Variants in ADGRB3 observed in about 807,000 individuals in gnomAD.
ADGRB3 encodes adhesion G protein-coupled receptor B3.
Under a neutral mutation model 193.4 loss-of-function variants are expected in ADGRB3, and 37 were observed. The observed-to-expected ratio is 0.19, with a 90% CI of 0.15 to 0.25. The LOEUF (loss-of-function observed/expected upper bound fraction) is 0.25. Ranked by LOEUF, ADGRB3 falls within the 10% of genes least tolerant of loss-of-function variation. The pLI, the probability that ADGRB3 is intolerant of heterozygous loss-of-function variation, is 1.00. For synonymous variants in ADGRB3, 690 were observed against 644.2 expected, an observed-to-expected ratio of 1.07 and a Z score of -1.08; for missense variants, 1,637 against 1,852.9, an observed-to-expected ratio of 0.88 and a Z score of 2.14.
At chr6:69,252,458 C>G (rs1198002131) in intron 20 of ADGRB3, among the ~76,000 whole-genome samples, 2 of 152,026 alleles carry the variant, frequency 1.3e-5, no homozygotes, top group African/African-American at 4.8e-5. Flanking sequence ...GGTTAGATTA[C>G]TTTTAACTTA....
At chr6:69,222,016 A>C (rs943269887) in intron 17 of ADGRB3, among the ~76,000 whole-genome samples, 1 of 152,296 alleles carries the variant, frequency 6.6e-6, no homozygotes, top group Non-Finnish European at 1.5e-5. Flanking sequence ...GTGAAAATCA[A>C]TTCATTAAAT....
At chr6:68,902,068 C>G (rs1190013426) in intron 3 of ADGRB3, among the ~76,000 whole-genome samples, 1 of 152,024 alleles carries the variant, frequency 6.6e-6, no homozygotes, top group African/African-American at 2.4e-5. Flanking sequence ...AACCTTTTAT[C>G]ACTAGTGGCA....
chr6:69,186,205 A>T (rs977936837), intron 17 of ADGRB3, among the ~76,000 whole-genome samples: 1 of 150,576 alleles, frequency 6.6e-6, no homozygotes, highest in African/African-American at 2.4e-5. Context: ...AAAATTGTCA[A>T]TTGGCCTGCA....
intron 17 of ADGRB3, among the ~76,000 whole-genome samples, chr6:69,081,042 T>C (rs1009450276): frequency 3.3e-5 from 5 of 152,118 alleles, no homozygotes; most frequent in Admixed American, 3.3e-4. Context: ...GGTAAAAGAA[T>C]AACTAATTTT....
intron 3 of ADGRB3, among the ~76,000 whole-genome samples, chr6:68,882,536 C>A (rs929634858): frequency 5.9e-5 from 9 of 151,994 alleles, no homozygotes; most frequent in Non-Finnish European, 1.3e-4. Flanking sequence ...TATATGCTTC[C>A]TTTACATTGC....
At chr6:69,043,116 C>T (rs940484182) in intron 13 of ADGRB3, among the ~76,000 whole-genome samples, 7 of 152,138 alleles carry the variant, frequency 4.6e-5, no homozygotes, top group African/African-American at 1.7e-4. Context: ...GATTCTCTCA[C>T]TCTATTGAGG....
Position 68,897,863 on chromosome 6 carries a change from A to AG in ADGRB3, c.758-32696_758-32695insG, listed in dbSNP as rs1320086447. Among the ~76,000 whole-genome samples, 522 of 113,700 alleles carry AG rather than the reference A, an allele frequency of 4.6e-3. 2 individuals are homozygous for AG. The highest frequency in any genetic ancestry group is 0.013 in the African/African-American group (456 of 35,058). The allele number at this position is 113,700 out of a possible 152,430, so 74.6% of individuals were successfully genotyped here. A position where few individuals can be genotyped will look rare whatever the true frequency, so the allele number is the denominator to read the frequency against. On this transcript the variant is annotated intron_variant, in intron 3 of 31. Coordinates refer to ENST00000370598, the MANE Select transcript of ADGRB3 (RefSeq NM_001704.3). ...GAGAAAGAAAGAAGAAAACAAAAGA[A>AG]AAAAGAAAGAAAGAAAGAAAGAAAA...
intron 17 of ADGRB3, among the ~76,000 whole-genome samples, chr6:69,176,306 G>A (rs914061115): frequency 1.3e-5 from 2 of 152,172 alleles, no homozygotes; most frequent in South Asian, 4.1e-4. Flanking sequence ...TTTGAGGTAT[G>A]TTCCTATGAT....
intron 4 of ADGRB3, among the ~76,000 whole-genome samples, chr6:68,932,724 A>G (rs1767374961): frequency 6.6e-6 from 1 of 151,862 alleles, no homozygotes; most frequent in South Asian, 2.1e-4. Context: ...AAGCCAGAAA[A>G]AAGACTGTAA....
intron 3 of ADGRB3, among the ~76,000 whole-genome samples, chr6:68,862,776 G>A (rs1765192557): frequency 6.6e-6 from 1 of 151,850 alleles, no homozygotes; most frequent in Non-Finnish European, 1.5e-5. Flanking sequence ...ACTTCTTTTG[G>A]ATGATTGTTT....
chr6:68,862,892 T>C (rs1765195957), intron 3 of ADGRB3, among the ~76,000 whole-genome samples: 1 of 152,172 alleles, frequency 6.6e-6, no homozygotes, highest in African/African-American at 2.4e-5. Flanking sequence ...GATTTTTGTC[T>C]CTTTTCTTTC....
chr6:69,063,917 T>G (rs1771823806), intron 16 of ADGRB3, among the ~76,000 whole-genome samples: 1 of 152,034 alleles, frequency 6.6e-6, no homozygotes, highest in South Asian at 2.1e-4. Flanking sequence ...TAAGTCAGTT[T>G]CATGATTTAC....
rs550792329 is a variant in ADGRB3, at chr6:68,779,345, C to G, written c.757+139913C>G. On this transcript the variant is annotated intron_variant, in intron 3 of 31. Transcript: ENST00000370598. Reference sequence around the variant, plus strand: ...GATGTAGCAGAGTTATCTTTCCCCCCTCATTCTCCCCACAAACATGCCCCT... The same window carrying G: ...GATGTAGCAGAGTTATCTTTCCCCCGTCATTCTCCCCACAAACATGCCCCT... Among the ~76,000 whole-genome samples the G allele has an allele frequency of 1.2e-4, 18 of 151,728 alleles. No individual in the cohort carries two copies. In the South Asian group the frequency reaches 3.3e-3, roughly 28 times the overall value.
chr6:69,247,357 G>C (rs948550436), intron 20 of ADGRB3, among the ~76,000 whole-genome samples: 1 of 152,156 alleles, frequency 6.6e-6, no homozygotes, highest in Admixed American at 6.5e-5. Context: ...TCTCCCTCCA[G>C]ACTGATATAG....
chr6:68,701,873 C>T (rs538543140), intron 3 of ADGRB3, among the ~76,000 whole-genome samples: 16 of 152,244 alleles, frequency 1.1e-4, no homozygotes, highest in South Asian at 2.1e-4. Context: ...TATCCACTAT[C>T]CTAATTACTC....
rs1485879875 is a variant in ADGRB3 at position 68,639,170 on chromosome 6, G to A, written c.495G>A (p.Gln165=). 1.9e-6 allele frequency: 3 copies of A among 1,614,184 alleles called. No homozygotes were observed. The highest frequency in any genetic ancestry group is 8.5e-7 in the Non-Finnish European group (1 of 1,180,042). Residue 165 remains glutamine (Q), a synonymous_variant, in exon 3 of 32, where the codon CAG becomes CAA. Coordinates refer to ENST00000370598, the MANE Select transcript of ADGRB3 (RefSeq NM_001704.3). Reference sequence around the variant, plus strand: ...TATTGAACAAGGTCAGCCCAAGCCAGTTTGGTTGCCATGTATTATGTACTT... The same window carrying A: ...TATTGAACAAGGTCAGCCCAAGCCAATTTGGTTGCCATGTATTATGTACTT... ...FLVLNKVSPS[Q]FGCHVLCTWL...
In ADGRB3 at chr6:69,354,223, C is replaced by G. The variant is rs200024209; in HGVS notation, c.3460-10C>G. On this transcript the variant is annotated splice_polypyrimidine_tract_variant and intron_variant, in intron 26 of 31. Transcript: ENST00000370598. Reference sequence around the variant, plus strand: ...AGAGAAGAAAATTAATGTGTTCCCCCTCCCCACAGGTTCAGGATGCATTTA... The same window carrying G: ...AGAGAAGAAAATTAATGTGTTCCCCGTCCCCACAGGTTCAGGATGCATTTA... 6 of 1,604,714 alleles carry G rather than the reference C, an allele frequency of 3.7e-6. No individual in the cohort carries two copies. Among genetic ancestry groups the G allele is most frequent in the Non-Finnish European group, 4.3e-6 (5 of 1,171,598 alleles).
intron 3 of ADGRB3, among the ~76,000 whole-genome samples, chr6:68,783,796 A>G (rs1582198151): frequency 6.6e-6 from 1 of 152,076 alleles, no homozygotes; most frequent in East Asian, 1.9e-4. Context: ...CTGCAGAATT[A>G]GGTCACTATT....
intron 17 of ADGRB3, among the ~76,000 whole-genome samples, chr6:69,202,390 TAACC>T (rs1405807145): frequency 6.6e-6 from 1 of 152,150 alleles, no homozygotes; most frequent in Non-Finnish European, 1.5e-5. Flanking sequence ...CATTAACACT[TAACC>T]AGTTGCATTA....
Sources: allele counts gnomAD v4.1 joint callset (sites outside exome capture counted in the v4.1 genomes callset), GRCh38; gene constraint gnomAD v4.1.1; transcripts MANE v1.5; gene names NCBI Gene and HGNC (gene_info 2026-07-23, HGNC 2026-07-21).